Variants in AR observed in about 807,000 individuals in gnomAD.
The protein encoded by AR is androgen receptor.
Under a neutral mutation model 53.9 loss-of-function variants are expected in AR, and 8 were observed. The observed-to-expected ratio is 0.15, with a 90% CI of 0.09 to 0.27. The LOEUF (loss-of-function observed/expected upper bound fraction) is 0.27. AR is among the 10% of genes least tolerant of loss of function. The pLI is 1.00. For synonymous variants in AR, 359 were observed against 316.4 expected, an observed-to-expected ratio of 1.13 and a Z score of -1.43; for missense variants, 639 against 742.5, an observed-to-expected ratio of 0.86 and a Z score of 1.62.
At chrX:67,658,985 A>C (rs1173945772) in intron 2 of AR, among the ~76,000 whole-genome samples, 2 of 111,514 alleles carry the variant, frequency 1.8e-5, no homozygotes, top group African/African-American at 6.5e-5. Flanking sequence ...GGTTGACTTC[A>C]CTGAGATGGT....
chrX:67,629,701 G>A (rs868088813), intron 1 of AR, among the ~76,000 whole-genome samples: 6 of 108,613 alleles, frequency 5.5e-5, no homozygotes, highest in East Asian at 2.9e-4. Flanking sequence ...GTTTGCTCTT[G>A]CTTTTCTAGT....
chrX:67,707,330 T>C (rs1602269285), intron 3 of AR, among the ~76,000 whole-genome samples: 1 of 112,159 alleles, frequency 8.9e-6, no homozygotes, highest in South Asian at 3.7e-4. Flanking sequence ...GTTCCTGTAT[T>C]GGTGCATATA....
chrX:67,580,314 T>C (rs1269620362), intron 1 of AR, among the ~76,000 whole-genome samples: 5 of 111,724 alleles, frequency 4.5e-5, no homozygotes. Flanking sequence ...AACAATTATA[T>C]TGCACATAAT....
Position 67,546,472 on chromosome X carries a change from A to C in AR, c.1326A>C (p.Glu442Asp). The stretch of plus-strand genomic sequence containing the variant: ...CCTGGCACACTCTCTTCACAGCCGA[A>C]GAAGGCCAGTTGTATGGACCGTGTG... Reference protein sequence around the residue: ...SSSWHTLFTAEEGQLYGPCGG... With the variant: ...SSSWHTLFTADEGQLYGPCGG... Residue 442 changes from glutamate to aspartate, a missense_variant, in exon 1 of 8, where the codon GAA (glutamate) becomes GAC (aspartate). Coordinates refer to ENST00000374690, the MANE Select transcript of AR (RefSeq NM_000044.6). 2 of 1,170,308 alleles carry C rather than the reference A, an allele frequency of 1.7e-6. No individual in the cohort carries two copies. Among genetic ancestry groups the C allele is most frequent in the Middle Eastern group, 3.2e-4 (1 of 3,093 alleles).
At chrX:67,649,294 T>G (rs1241559030) in intron 2 of AR, among the ~76,000 whole-genome samples, 2 of 112,386 alleles carry the variant, frequency 1.8e-5, no homozygotes, top group Non-Finnish European at 3.7e-5. Flanking sequence ...TTTCGGTTGG[T>G]TCCAAGTCTG....
intron 3 of AR, chrX:67,689,443 GTTTCA>G (rs1406280292): frequency 2.2e-6 from 1 of 453,044 alleles, no homozygotes; most frequent in Non-Finnish European, 3.0e-6. Flanking sequence ...TCTCTATAGT[GTTTCA>G]TTCACTGTTT....
At chrX:67,671,451 TTTC>T (rs1405243456) in intron 2 of AR, among the ~76,000 whole-genome samples, 1 of 112,636 alleles carries the variant, frequency 8.9e-6, no homozygotes, top group Non-Finnish European at 1.9e-5. Flanking sequence ...AGTTATTTGT[TTTC>T]TTCTTGTAAA....
At chrX:67,624,528 G>A (rs1160110347) in intron 1 of AR, among the ~76,000 whole-genome samples, 1 of 111,262 alleles carries the variant, frequency 9.0e-6, no homozygotes, top group African/African-American at 3.3e-5. Context: ...TGCAAAGTCA[G>A]CATTACCCTG....
intron 1 of AR, among the ~76,000 whole-genome samples, chrX:67,561,928 GTTTTTTTTT>G (rs757161392): frequency 1.3e-5 from 1 of 78,271 alleles, no homozygotes; most frequent in African/African-American, 5.6e-5. Flanking sequence ...AACGAAAGAG[GTTTTTTTTT>G]TTTTTTTTTT....
At chrX:67,683,798 G>A (rs1160128242) in intron 2 of AR, among the ~76,000 whole-genome samples, 1 of 110,855 alleles carries the variant, frequency 9.0e-6, no homozygotes, top group African/African-American at 3.3e-5. Context: ...TACGTTTTAG[G>A]TTGCCTTGTT....
intron 3 of AR, among the ~76,000 whole-genome samples, 179 bp downstream of exon 3, chrX:67,686,305 T>A (rs371607102): frequency 1.8e-3 from 202 of 111,417 alleles, no homozygotes; most frequent in African/African-American, 5.8e-3. Context: ...GCCTTTTTTT[T>A]AATCCTTATC....
chrX:67,664,654 G>A (rs1927156025), intron 2 of AR, among the ~76,000 whole-genome samples: 1 of 112,141 alleles, frequency 8.9e-6, no homozygotes, highest in African/African-American at 3.2e-5. Context: ...GTCAGACAGG[G>A]ACATTTAAGT....
chrX:67,609,255 T>A (rs915281610), intron 1 of AR, among the ~76,000 whole-genome samples: 2 of 111,355 alleles, frequency 1.8e-5, no homozygotes, highest in African/African-American at 3.3e-5. Context: ...TAGAATCAAT[T>A]TCAAAAGTGG....
chrX:67,708,798 G>A (rs1353717038), intron 3 of AR, among the ~76,000 whole-genome samples: 2 of 111,579 alleles, frequency 1.8e-5, no homozygotes, highest in African/African-American at 3.3e-5. Context: ...TTTGATGATG[G>A]TGACATACAG....
At chrX:67,574,508 T>A (rs1921961973) in intron 1 of AR, among the ~76,000 whole-genome samples, 1 of 111,225 alleles carries the variant, frequency 9.0e-6, no homozygotes, top group South Asian at 3.8e-4. Context: ...CTGTCATATG[T>A]CACCCAGCCA....
intron 2 of AR, among the ~76,000 whole-genome samples, chrX:67,663,038 T>A (rs1056269173): frequency 2.7e-5 from 3 of 111,847 alleles, no homozygotes; most frequent in African/African-American, 9.8e-5. Flanking sequence ...TAGACGGGTT[T>A]CCTGAATACA....
Position 67,722,672 on chromosome X carries a change from G to T in AR, c.2450-155G>T, listed in dbSNP as rs1267043560. 5.1e-6 allele frequency: 3 copies of T among 582,620 alleles called. No individual in the cohort carries two copies. The East Asian group carries it at 1.1e-4, about 21-fold the overall frequency. 48.0% of individuals were successfully genotyped at this position (582,620 alleles called of 1,213,427 possible). A position where few individuals can be genotyped will look rare whatever the true frequency, so the allele number is the denominator to read the frequency against. ...CCTGAGATCTCCCTGACAGACTGAA[G>T]GCCCCAAGCACACAGACTTCAACTA... On this transcript the variant is annotated intron_variant, in intron 6 of 7. Transcript: ENST00000374690.
rs1257275870 is a variant in AR, at chrX:67,727,570, C to CAG, written c.*3731_*3732dup. The CAG allele has an allele frequency of 5.8e-6, 1 of 173,013 alleles. No individual in the cohort carries two copies. Among genetic ancestry groups the CAG allele is most frequent in the Non-Finnish European group, 1.1e-5 (1 of 90,449 alleles). The allele number at this position is 173,013 out of a possible 1,213,427, so 14.3% of individuals were successfully genotyped here. Reference sequence around the variant, plus strand: ...AGTGTTTGTTTCATTAGGCACAGCACAGATGTGGCCTTTCCCCCCTTCTCT... The same window carrying CAG: ...AGTGTTTGTTTCATTAGGCACAGCACAGAGATGTGGCCTTTCCCCCCTTCTCT... On this transcript the variant is annotated 3_prime_UTR_variant, in exon 8 of 8. Coordinates refer to ENST00000374690, the MANE Select transcript of AR (RefSeq NM_000044.6).
At chrX:67,719,726 A>T (rs888069036) in intron 5 of AR, among the ~76,000 whole-genome samples, 21 of 112,402 alleles carry the variant, frequency 1.9e-4, no homozygotes, top group East Asian at 1.1e-3. Flanking sequence ...TATACCAAAT[A>T]GGATTCCAGT....
Sources: gnomAD v4.1 joint callset for allele counts (sites outside exome capture counted in the v4.1 genomes callset) on GRCh38, gnomAD v4.1.1 for gene constraint, MANE v1.5 for transcripts, NCBI Gene and HGNC (gene_info 2026-07-23, HGNC 2026-07-21) for gene names.